Variants in RAPGEF3 observed in about 807,000 individuals in gnomAD.
The protein encoded by RAPGEF3 is Rap guanine nucleotide exchange factor 3.
In RAPGEF3, 103 loss-of-function variants were observed where a neutral mutation model predicts 129.8. The ratio of observed to expected loss-of-function variants is 0.79; its 90% CI spans 0.68 to 0.93. The LOEUF is 0.93. Among genes scored for constraint, RAPGEF3 ranks in the 40% least tolerant of loss-of-function variants. The pLI is 0.00. For missense variants in RAPGEF3, 1,117 were observed against 1,207.4 expected, an observed-to-expected ratio of 0.93 and a Z score of 1.11; for synonymous variants, 436 against 482.6, an observed-to-expected ratio of 0.90 and a Z score of 1.26.
At position 47,751,885 on chromosome 12, in the gene RAPGEF3, T is replaced by A. The variant is rs376235232; in HGVS notation, c.273+31A>T. On this transcript the variant is annotated intron_variant, in intron 3 of 27. Transcript: ENST00000449771. The stretch of plus-strand genomic sequence containing the variant: ...GCTCTGAACCCCTCATGGTGCTGCC[T>A]GTCCCAGCTCCACCCTGCCCAGGCT... 7 of 1,613,892 alleles carry A rather than the reference T, an allele frequency of 4.3e-6. No individual in the cohort carries two copies. The African/African-American group carries it at 9.3e-5, about 22-fold the overall frequency.
intron 24 of RAPGEF3, 103 bp from the exon 25 acceptor site, chr12:47,738,857 A>G (rs989148639): frequency 9.5e-7 from 1 of 1,052,636 alleles, no homozygotes. Context: ...ACCTCACCCC[A>G]TAGAGCCCCT....
At chr12:47,748,200 T>C (rs752743162) in intron 12 of RAPGEF3, 48 bp from the exon 13 acceptor site, 27 of 1,425,492 alleles carry the variant, frequency 1.9e-5, no homozygotes, top group Non-Finnish European at 2.6e-5. Flanking sequence ...AGGCCAAGTC[T>C]GCTGAGCACA....
chr12:47,753,618 G>C (rs999775209), intron 2 of RAPGEF3, among the ~76,000 whole-genome samples: 1 of 152,246 alleles, frequency 6.6e-6, no homozygotes, highest in African/African-American at 2.4e-5. Flanking sequence ...GAGACTTAAC[G>C]ACAGGAAATG....
chr12:47,754,870 C>T (rs1029489050), intron 2 of RAPGEF3, among the ~76,000 whole-genome samples: 5 of 152,170 alleles, frequency 3.3e-5, no homozygotes, highest in African/African-American at 4.8e-5. Context: ...GGGTTCAGGG[C>T]GGAAGAGGAG....
At chr12:47,758,460 AC>A in intron 1 of RAPGEF3, 90 bp downstream of exon 1, 1 of 1,583,084 alleles carries the variant, frequency 6.3e-7, no homozygotes, top group Admixed American at 1.7e-5. Flanking sequence ...GCCCTGACTA[AC>A]CCTCCCTCTC....
At chr12:47,757,071 A>G (rs1442792653) in intron 2 of RAPGEF3, among the ~76,000 whole-genome samples, 1 of 152,142 alleles carries the variant, frequency 6.6e-6, no homozygotes, top group African/African-American at 2.4e-5. Flanking sequence ...AGGCAGGTGG[A>G]TTGCTTGGGC....
At position 47,749,748 on chromosome 12, in the gene RAPGEF3, T is replaced by C; in HGVS notation, c.887A>G (p.His296Arg). The C allele has an allele frequency of 6.2e-7, 1 of 1,614,178 alleles. No homozygotes were observed. The highest frequency in any genetic ancestry group is 8.5e-7 in the Non-Finnish European group (1 of 1,180,028). ...IWKGSVNVVT[H>R]GKGLVTTLHE... The stretch of plus-strand genomic sequence containing the variant: ...GGAGGAGGGAGGGCTCACCTTGCCA[T>C]GGGTCACCACGTTGACAGATCCCTT... The change falls in exon 9 of 28, where the codon CAT becomes CGT. Residue 296 changes from histidine to arginine, a missense_variant. His to Arg is a conservative substitution (Grantham distance 29). Around this residue, in one of 3 missense-constraint regions of RAPGEF3, gnomAD observed 107 missense variants for 160.7 expected, o/e 0.67. Transcript: ENST00000449771. This position sits in a 1 kb window ranked among gnomAD's most constrained non-coding sequence, Gnocchi z 4.5.
chr12:47,740,476 C>T, intron 21 of RAPGEF3, 81 bp from the exon 22 acceptor site: 1 of 1,519,044 alleles, frequency 6.6e-7, no homozygotes, highest in South Asian at 1.1e-5. Context: ...GCCAGGCCAG[C>T]CTCTGCAGAG....
chr12:47,749,657 T>A lies in RAPGEF3; in HGVS notation c.894+84A>T. 1 of 1,592,182 alleles carries A rather than the reference T, an allele frequency of 6.3e-7. No individual in the cohort carries two copies. Among genetic ancestry groups the A allele is most frequent in the Non-Finnish European group, 8.6e-7 (1 of 1,167,496 alleles). On this transcript the variant is annotated intron_variant, in intron 9 of 27. Transcript: ENST00000449771. The surrounding 1 kb of genome is among the most constrained non-coding windows in gnomAD (Gnocchi z 4.5). ...GAGACACGGGGTCAGCAGCAGTAGA[T>A]CAACAAAGGCACTGCCCATGAGGAC... is the stretch of plus-strand genomic sequence containing the variant.
chr12:47,748,038 C>T, intron 13 of RAPGEF3, 36 bp downstream of exon 13: 1 of 1,552,590 alleles, frequency 6.4e-7, no homozygotes, highest in South Asian at 1.2e-5. Flanking sequence ...CCATCCTATC[C>T]CCATGCACAC....
rs1253350427 is a variant in RAPGEF3 at position 47,743,617 on chromosome 12, CTG to C, written c.1736_1737del (p.Thr579SerfsTer30). 6.2e-7 allele frequency: 1 copy of C among 1,613,892 alleles called. No individual in the cohort carries two copies. Among genetic ancestry groups the C allele is most frequent in the Non-Finnish European group, 8.5e-7 (1 of 1,179,860 alleles). On this transcript the variant is annotated frameshift_variant, in exon 18 of 28. Transcript: ENST00000449771. LOFTEE classifies it high-confidence loss of function. Reference sequence around the variant, plus strand: ...GCTGCCATCACCTCTCTCACGGAGGCTGTCACAGGCAGCTGCAGGGTCAACAC... The same window carrying C: ...GCTGCCATCACCTCTCTCACGGAGGCTCACAGGCAGCTGCAGGGTCAACAC... ...HSVLTLQLPV[T>X]ASVREVMAAL...
rs560434791 is a variant in RAPGEF3, at chr12:47,735,775, G to C, written c.*1792C>G. The C allele has an allele frequency of 1.3e-5, 2 of 152,388 alleles. No homozygotes were observed. Among genetic ancestry groups the C allele is most frequent in the Admixed American group, 1.3e-4 (2 of 15,292 alleles). 9.4% of individuals were successfully genotyped at this position (152,388 alleles called of 1,614,324 possible). A position where few individuals can be genotyped will look rare whatever the true frequency, so the allele number is the denominator to read the frequency against. ...CCCTAGAGTCTGAAGAACGGTGAAG[G>C]GCCACGGCTGGCTGGCTGGCTTTTG... On this transcript the variant is annotated 3_prime_UTR_variant, in exon 28 of 28. Coordinates refer to ENST00000449771, the MANE Select transcript of RAPGEF3 (RefSeq NM_001098531.4).
chr12:47,750,515 C>T, intron 6 of RAPGEF3, 90 bp from the exon 7 acceptor site: 1 of 1,146,848 alleles, frequency 8.7e-7, no homozygotes, highest in Admixed American at 2.1e-5. Flanking sequence ...GATGCCTGTG[C>T]CAGACGGTGC....
rs1053760124 is a variant in RAPGEF3 at position 47,748,524 on chromosome 12, G to A, written c.1173C>T (p.Gly391=). The A allele has an allele frequency of 1.2e-6, 2 of 1,613,788 alleles. No individual in the cohort carries two copies. The highest frequency in any genetic ancestry group is 2.7e-5 in the African/African-American group (2 of 74,920). ...GAAGCTCTAGGATCTTCTCTGGGGT[G>A]CCAGACATCACTGTATACCTAGCAG... ...PGRNRYTVMS[G]TPEKILELLL... The change falls in exon 12 of 28, where the codon GGC becomes GGT. Residue 391 remains glycine, a synonymous_variant. Coordinates refer to ENST00000449771, the MANE Select transcript of RAPGEF3 (RefSeq NM_001098531.4).
rs1941777268 is a variant in RAPGEF3, at chr12:47,751,939, C to G, written c.250G>C (p.Asp84His). The change falls in exon 3 of 28, where the codon GAT becomes CAT. Residue 84 changes from aspartate (D) to histidine (H), a missense_variant. Asp to His is a moderately conservative substitution (Grantham distance 81, BLOSUM62 -1). Around this residue, in one of 3 missense-constraint regions of RAPGEF3, gnomAD observed 367 missense variants for 373.4 expected, o/e 0.98. Coordinates refer to ENST00000449771, the MANE Select transcript of RAPGEF3 (RefSeq NM_001098531.4). Reference protein sequence around the residue: ...TPLTNSEESLDFSESLEQAST... With the variant: ...TPLTNSEESLHFSESLEQAST... ...ACCTGCTCCAGGCTCTCGCTGAAAT[C>G]CAGGGACTCCTCGCTGTTGGTGAGT... The G allele has an allele frequency of 6.2e-7, 1 of 1,614,170 alleles. No individual in the cohort carries two copies. The highest frequency in any genetic ancestry group is 1.3e-5 in the African/African-American group (1 of 75,028).
intron 16 of RAPGEF3, chr12:47,744,693 TCTC>T (rs1393619775): frequency 1.9e-5 from 3 of 153,874 alleles, no homozygotes; most frequent in Non-Finnish European, 2.9e-5. Flanking sequence ...GCCAGGCAAG[TCTC>T]CTGACTCAGG....
At chr12:47,751,655 CCT>C in intron 4 of RAPGEF3, 66 bp downstream of exon 4, 1 of 1,600,218 alleles carries the variant, frequency 6.2e-7, no homozygotes, top group South Asian at 1.1e-5. Flanking sequence ...GGCCCAGGTG[CCT>C]GACATAAAGT....
At chr12:47,745,243 C>T in intron 16 of RAPGEF3, 1 of 153,082 alleles carries the variant, frequency 6.5e-6, no homozygotes, top group Non-Finnish European at 1.5e-5. Context: ...AGCCCTCCTC[C>T]TCCAATCTGC....
Position 47,737,450 on chromosome 12 carries a change from G to T in RAPGEF3, c.*117C>A. The stretch of plus-strand genomic sequence containing the variant: ...TCCACACTGCCTGCTCCAGGGACTC[G>T]AGTCCACTCCACGGAGAGCCTTGCC... On this transcript the variant is annotated 3_prime_UTR_variant, in exon 28 of 28. Transcript: ENST00000449771. 2 of 846,034 alleles carry T rather than the reference G, an allele frequency of 2.4e-6. No individual in the cohort carries two copies. Among genetic ancestry groups the T allele is most frequent in the Non-Finnish European group, 1.8e-6 (1 of 542,306 alleles). 52.4% of individuals were successfully genotyped at this position (846,034 alleles called of 1,614,324 possible).
Sources: allele counts gnomAD v4.1 joint callset (sites outside exome capture counted in the v4.1 genomes callset), GRCh38; gene constraint gnomAD v4.1.1; regional missense constraint gnomAD v4.1.1; non-coding constraint Gnocchi (gnomAD v3.1); transcripts MANE v1.5; gene names NCBI Gene and HGNC (gene_info 2026-07-23, HGNC 2026-07-21).